The following KDM2B variants were observed in gnomAD, a reference collection of about 807,000 sequenced individuals.
KDM2B encodes lysine-specific demethylase 2B.
In KDM2B, 26 loss-of-function variants were observed where a neutral mutation model predicts 150.0. The ratio of observed to expected loss-of-function variants is 0.17; its 90% CI spans 0.13 to 0.24. The LOEUF is 0.24. Ranked by LOEUF, KDM2B falls within the 10% of genes least tolerant of loss-of-function variation. KDM2B has a pLI of 1.00. For synonymous variants in KDM2B, 734 were observed against 729.5 expected, an observed-to-expected ratio of 1.01 and a Z score of -0.10; for missense variants, 1,265 against 1,816.9, an observed-to-expected ratio of 0.70 and a Z score of 5.52.
At chr12:121,579,502 G>T (rs1277571348) in intron 1 of KDM2B, 1 of 471,500 alleles carries the variant, frequency 2.1e-6, no homozygotes, top group Non-Finnish European at 3.9e-6. Flanking sequence ...CGCCCCCGCC[G>T]CCCGCCCGCC....
In KDM2B at chr12:121,534,807, T is replaced by C. The variant is rs1887957743; in HGVS notation, c.684-217A>G. The C allele has an allele frequency of 1.9e-5, 10 of 532,972 alleles. No individual in the cohort carries two copies. In the East Asian group the frequency reaches 3.2e-4, roughly 17 times the overall value. The allele number at this position is 532,972 out of a possible 1,614,324, so 33.0% of individuals were successfully genotyped here. On this transcript the variant is annotated intron_variant, in intron 6 of 22. Transcript: ENST00000377071. Reference sequence around the variant, plus strand: ...AAATCTCAAGCACTGGTCGCCTACCTACCCCAGAGGCTGGGAGTGATACAC... The same window carrying C: ...AAATCTCAAGCACTGGTCGCCTACCCACCCCAGAGGCTGGGAGTGATACAC...
intron 4 of KDM2B, among the ~76,000 whole-genome samples, chr12:121,556,467 A>G (rs573304052): frequency 6.6e-6 from 1 of 152,268 alleles, no homozygotes; most frequent in South Asian, 2.1e-4. Context: ...CATGACTGGA[A>G]GCTTCCTGAA....
intron 12 of KDM2B, among the ~76,000 whole-genome samples, chr12:121,491,910 C>T (rs1466966540): frequency 3.3e-5 from 5 of 151,992 alleles, no homozygotes; most frequent in African/African-American, 9.7e-5. Context: ...CGCCTGTAAT[C>T]ACAACACTTT....
intron 11 of KDM2B, among the ~76,000 whole-genome samples, chr12:121,498,868 T>G (rs1884237329): frequency 6.6e-6 from 1 of 151,890 alleles, no homozygotes; most frequent in Non-Finnish European, 1.5e-5. Flanking sequence ...GCTTGAGTGC[T>G]GCGGTGTGAT....
At chr12:121,495,529 G>T (rs1453711710) in intron 11 of KDM2B, among the ~76,000 whole-genome samples, 1 of 152,140 alleles carries the variant, frequency 6.6e-6, no homozygotes, top group Non-Finnish European at 1.5e-5. Context: ...CAAACTCCTG[G>T]CCTCGAGGAA....
chr12:121,475,976 C>CA (rs1209467223), intron 12 of KDM2B, among the ~76,000 whole-genome samples: 1 of 148,768 alleles, frequency 6.7e-6, no homozygotes, highest in Non-Finnish European at 1.5e-5. Context: ...CCAGCCTGAG[C>CA]AATAGAGTGA....
chr12:121,551,819 C>T (rs1183522968), intron 4 of KDM2B, among the ~76,000 whole-genome samples: 1 of 152,128 alleles, frequency 6.6e-6, no homozygotes, highest in Admixed American at 6.5e-5. Context: ...TCCCAAAGTG[C>T]TGGGATTACA....
At chr12:121,579,883 T>A in intron 1 of KDM2B, 1 of 1,448,348 alleles carries the variant, frequency 6.9e-7, no homozygotes, top group South Asian at 1.3e-5. Context: ...ATTTATTATA[T>A]TTTTTTCCCG....
At position 121,453,580 on chromosome 12, in the gene KDM2B, G is replaced by A. The variant is rs968526278; in HGVS notation, c.1735-236C>T. Among the ~76,000 whole-genome samples the A allele has an allele frequency of 6.6e-6, 1 of 152,210 alleles. No individual in the cohort carries two copies. Among genetic ancestry groups the A allele is most frequent in the African/African-American group, 2.4e-5 (1 of 41,446 alleles). On this transcript the variant is annotated intron_variant, in intron 12 of 22. Coordinates refer to ENST00000377071, the MANE Select transcript of KDM2B (RefSeq NM_032590.5). This position sits in a 1 kb window ranked among gnomAD's most constrained non-coding sequence, Gnocchi z 6.4. ...GTATGACTGGTGTCCTTACGAAAGGGGAACTTTTGGACACAGAGACAGACA... is the reference window on the plus strand; with the variant it reads ...GTATGACTGGTGTCCTTACGAAAGGAGAACTTTTGGACACAGAGACAGACA...
At chr12:121,423,510 G>A in the KDM2B span, 1 of 1,614,246 alleles carries the variant, frequency 6.2e-7, no homozygotes, top group Non-Finnish European at 8.5e-7. This position sits in a 1 kb window ranked among gnomAD's most constrained non-coding sequence, Gnocchi z 4.3. Flanking sequence ...AGTGCGGCAA[G>A]CGCATGAGTG....
chr12:121,473,160 A>T (rs945316436), intron 12 of KDM2B, among the ~76,000 whole-genome samples: 95 of 151,356 alleles, frequency 6.3e-4, no homozygotes, highest in African/African-American at 2.1e-3. Context: ...GGAAGCCAAG[A>T]CAGGAGGATC....
At chr12:121,560,727 G>C (rs1293566741) in intron 4 of KDM2B, among the ~76,000 whole-genome samples, 1 of 152,182 alleles carries the variant, frequency 6.6e-6, no homozygotes, top group African/African-American at 2.4e-5. Context: ...CAGCCTCCCG[G>C]TCTGATCTGC....
chr12:121,565,584 T>C lies in KDM2B; in HGVS notation c.397+8963A>G, dbSNP rs187566592. On this transcript the variant is annotated intron_variant, in intron 4 of 22. Transcript: ENST00000377071. ...TGCCCACCTTGGCCTCCCAAAGTGC[T>C]AGAATTAAAACGCGCGGGCCACCGC... 1.1e-3 allele frequency among the ~76,000 whole-genome samples: 164 copies of C among 152,220 alleles called. 1 individual carries two copies. The East Asian group carries it at 0.024, about 22-fold the overall frequency.
At chr12:121,526,231 T>A (rs1485774374) in intron 8 of KDM2B, among the ~76,000 whole-genome samples, 1 of 152,118 alleles carries the variant, frequency 6.6e-6, no homozygotes, top group African/African-American at 2.4e-5. Flanking sequence ...CACACGCCTG[T>A]AATCCCAGCT....
chr12:121,485,781 CTT>C (rs201999551), intron 12 of KDM2B, among the ~76,000 whole-genome samples: 1 of 146,180 alleles, frequency 6.8e-6, no homozygotes, highest in Non-Finnish European at 1.5e-5. Flanking sequence ...GAAATGATAA[CTT>C]TTTTTTTTTT....
intron 17 of KDM2B, 44 bp downstream of exon 17, chr12:121,443,636 C>G (rs782101942): frequency 1.7e-6 from 2 of 1,210,764 alleles, no homozygotes; most frequent in Non-Finnish European, 2.4e-6. Context: ...GCCCAGGACT[C>G]GCCAGTCCCC....
At chr12:121,577,677 G>A (rs956306994) in intron 2 of KDM2B, among the ~76,000 whole-genome samples, 13 of 152,314 alleles carry the variant, frequency 8.5e-5, no homozygotes, top group African/African-American at 2.9e-4. Context: ...GGGATGGAAG[G>A]GTTTTCCAAG....
At position 121,442,174 on chromosome 12, in the gene KDM2B, G is replaced by A. The variant is rs782335842; in HGVS notation, c.3267C>T (p.Cys1089=). ...CCGCTCACCAGCGGTTCCAGGTCCT[G>A]CAGACCCGCATGCACACACACAGGT... The part of the protein sequence containing the change: ...HQDLCVCMRV[C]RTWNRWCCDK... Residue 1089 remains cysteine (C), a synonymous_variant, in exon 19 of 23, where the codon TGC becomes TGT. Coordinates refer to ENST00000377071, the MANE Select transcript of KDM2B (RefSeq NM_032590.5). This position sits in a 1 kb window ranked among gnomAD's most constrained non-coding sequence, Gnocchi z 7.7. 8.2e-5 allele frequency: 133 copies of A among 1,613,368 alleles called. No individual in the cohort carries two copies. The highest frequency in any genetic ancestry group is 1.1e-4 in the Non-Finnish European group (130 of 1,179,950).
intron 1 of KDM2B, 52 bp downstream of exon 1, chr12:121,580,734 C>A: frequency 1.3e-6 from 2 of 1,595,796 alleles, no homozygotes; most frequent in Non-Finnish European, 1.7e-6. Context: ...GCCCTCATTG[C>A]CCAGGGCTAC....
Sources: allele counts gnomAD v4.1 joint callset (sites outside exome capture counted in the v4.1 genomes callset), GRCh38; gene constraint gnomAD v4.1.1; non-coding constraint Gnocchi (gnomAD v3.1); transcripts MANE v1.5; gene names NCBI Gene and HGNC (gene_info 2026-07-23, HGNC 2026-07-21).